Variants in TTC23 observed in about 807,000 individuals in gnomAD.
TTC23 encodes tetratricopeptide repeat protein 23.
A neutral mutation model predicts 55.1 loss-of-function variants in TTC23; 58 were observed. The observed-to-expected ratio is 1.05, with a 90% confidence interval of 0.85 to 1.31. The LOEUF (loss-of-function observed/expected upper bound fraction) is 1.31. Ranked by LOEUF, TTC23 falls within the 50% of genes most tolerant of loss-of-function variation. TTC23 has a pLI of 0.00. For missense variants in TTC23, 516 were observed against 534.4 expected, an observed-to-expected ratio of 0.97 and a Z score of 0.34; for synonymous variants, 203 against 199.9, an observed-to-expected ratio of 1.02 and a Z score of -0.13.
rs373566768 is a variant in TTC23, at chr15:99,201,008, G to A, written c.582-912C>T. 4.5e-4 allele frequency among the ~76,000 whole-genome samples: 68 copies of A among 152,304 alleles called. 1 individual carries two copies. The highest frequency in any genetic ancestry group is 1.3e-3 in the African/African-American group (54 of 41,562). ...ATATCATCTCAGGCATGTGAAAACT[G>A]TATATCTAATTTGCATGTACACATA... On this transcript the variant is annotated intron_variant, in intron 8 of 13. Transcript: ENST00000394132.
chr15:99,145,965 C>T (rs1317411497), intron 12 of TTC23, among the ~76,000 whole-genome samples: 7 of 152,188 alleles, frequency 4.6e-5, no homozygotes, highest in Non-Finnish European at 1.0e-4. Flanking sequence ...CTCCTGGGTG[C>T]CAGCCCTGGG....
rs966275310 is a variant in TTC23 at position 99,221,837 on chromosome 15, G to A, written c.208C>T (p.Arg70Cys). The A allele has an allele frequency of 6.2e-6, 10 of 1,614,004 alleles. No individual in the cohort carries two copies. Among genetic ancestry groups the A allele is most frequent in the African/African-American group, 2.7e-5 (2 of 74,916 alleles). ...EYKQAVHELV[R>C]CVALTRICYG... The stretch of plus-strand genomic sequence containing the variant: ...CAAATTCTTGTCAGTGCTACGCAAC[G>A]CACAAGCTCATGGACGGCCTGTTTG... The change falls in exon 6 of 14, where the codon CGT becomes TGT. Residue 70 changes from arginine to cysteine, a missense_variant. Coordinates refer to ENST00000394132, the MANE Select transcript of TTC23 (RefSeq NM_001288615.3).
At chr15:99,238,978 TA>T (rs1160365077) in intron 3 of TTC23, among the ~76,000 whole-genome samples, 1 of 152,144 alleles carries the variant, frequency 6.6e-6, no homozygotes, top group Non-Finnish European at 1.5e-5. Flanking sequence ...AACCCTGAGC[TA>T]GGGGGAAAGT....
intron 8 of TTC23, among the ~76,000 whole-genome samples, chr15:99,218,197 T>TAAGATC (rs2152043009): frequency 6.6e-6 from 1 of 152,340 alleles, no homozygotes; most frequent in African/African-American, 2.4e-5. Flanking sequence ...CAGATGTGTT[T>TAAGATC]AAGATCTTTC....
chr15:99,245,910 T>G (rs2080203321), intron 1 of TTC23, among the ~76,000 whole-genome samples: 1 of 150,556 alleles, frequency 6.6e-6, no homozygotes, highest in African/African-American at 2.4e-5. Context: ...GTTCAAGACA[T>G]TCTCCTGACT....
chr15:99,177,359 C>T (rs2073681071), intron 9 of TTC23, among the ~76,000 whole-genome samples: 1 of 152,166 alleles, frequency 6.6e-6, no homozygotes, highest in Admixed American at 6.5e-5. Flanking sequence ...CCAAATTAGC[C>T]ACTGTCCTTG....
At chr15:99,187,478 A>AAAAAG (rs55638903) in intron 9 of TTC23, among the ~76,000 whole-genome samples, 32 of 149,516 alleles carry the variant, frequency 2.1e-4, no homozygotes, top group African/African-American at 7.6e-4. Context: ...ACAAAACAAA[A>AAAAAG]GAAACCCAAC....
intron 12 of TTC23, among the ~76,000 whole-genome samples, chr15:99,146,617 TTGA>T (rs1318905546): frequency 6.6e-6 from 1 of 152,224 alleles, no homozygotes; most frequent in Non-Finnish European, 1.5e-5. Context: ...TGTGGGACAA[TTGA>T]TGACCCTCTG....
At chr15:99,161,560 T>C (rs2071381758) in intron 11 of TTC23, among the ~76,000 whole-genome samples, 180 bp downstream of exon 11, 1 of 152,214 alleles carries the variant, frequency 6.6e-6, no homozygotes, top group African/African-American at 2.4e-5. Flanking sequence ...TCCCAGCTTC[T>C]AAGAGCAAGT....
chr15:99,224,949 A>C (rs2078266438), intron 5 of TTC23, among the ~76,000 whole-genome samples: 1 of 152,194 alleles, frequency 6.6e-6, no homozygotes. Context: ...CTCTAGACAC[A>C]GGAAGTTTAG....
At chr15:99,212,015 C>G (rs185557174) in intron 8 of TTC23, among the ~76,000 whole-genome samples, 1 of 152,254 alleles carries the variant, frequency 6.6e-6, no homozygotes, top group East Asian at 1.9e-4. Context: ...GTTAATGACA[C>G]CATGGCACAC....
chr15:99,161,756 A>G lies in TTC23; in HGVS notation c.977T>C (p.Met326Thr). 1 of 1,612,068 alleles carries G rather than the reference A, an allele frequency of 6.2e-7. No homozygotes were observed. The highest frequency in any genetic ancestry group is 8.5e-7 in the Non-Finnish European group (1 of 1,179,504). ...IQDEFCHFLQ[M>T]TGQKERATSI... is the part of the protein sequence containing the mutation. ...CTCACTTACCTCTTTTTGTCCAGTCATTTGTAGAAAATGGCAAAATTCATC... is the reference window on the plus strand; with the variant it reads ...CTCACTTACCTCTTTTTGTCCAGTCGTTTGTAGAAAATGGCAAAATTCATC... The change falls in exon 11 of 14, where the codon ATG becomes ACG. Residue 326 changes from methionine to threonine, a missense_variant. Transcript: ENST00000394132.
intron 9 of TTC23, among the ~76,000 whole-genome samples, chr15:99,189,286 G>A (rs1268394340): frequency 6.6e-6 from 1 of 152,098 alleles, no homozygotes; most frequent in Non-Finnish European, 1.5e-5. Context: ...ACAGCAGAAT[G>A]CCAACTGATA....
rs1179975276 is a variant in TTC23, at chr15:99,137,022, T to C, written c.*988A>G. 1 of 152,254 alleles carries C rather than the reference T, an allele frequency of 6.6e-6. No homozygotes were observed. Among genetic ancestry groups the C allele is most frequent in the African/African-American group, 2.4e-5 (1 of 41,422 alleles). The allele number at this position is 152,254 out of a possible 1,614,324, so 9.4% of individuals were successfully genotyped here. ...GGCCCTGTGCTGCAATCTGCTGTCA[T>C]AGCACCAGCCTGCAGCCTCATGGCC... is the stretch of plus-strand genomic sequence containing the variant. On this transcript the variant is annotated 3_prime_UTR_variant, in exon 14 of 14. Coordinates refer to ENST00000394132, the MANE Select transcript of TTC23 (RefSeq NM_001288615.3).
At chr15:99,187,452 C>CAAAAAGAAAAAAAAAAAAAAAA (rs2074782105) in intron 9 of TTC23, among the ~76,000 whole-genome samples, 1 of 44,506 alleles carries the variant, frequency 2.2e-5, no homozygotes, top group African/African-American at 9.8e-5. Context: ...AAAGCACAAG[C>CAAAAAGAAAAAAAAAAAAAAAA]AAAAAAAAAA....
chr15:99,193,978 C>T (rs2075473955), intron 9 of TTC23, among the ~76,000 whole-genome samples: 1 of 150,882 alleles, frequency 6.6e-6, no homozygotes, highest in Admixed American at 6.6e-5. Flanking sequence ...CACTGCACTC[C>T]AGCCTGGGTG....
chr15:99,224,322 G>A (rs1015316445), intron 5 of TTC23, among the ~76,000 whole-genome samples: 2 of 152,158 alleles, frequency 1.3e-5, no homozygotes, highest in Non-Finnish European at 2.9e-5. Flanking sequence ...AGATATCTAG[G>A]TAGATAAATA....
chr15:99,164,620 T>G (rs959991523), intron 10 of TTC23, among the ~76,000 whole-genome samples: 5 of 152,244 alleles, frequency 3.3e-5, no homozygotes, highest in Non-Finnish European at 7.3e-5. Context: ...TTCCTCAATA[T>G]TTGGTTATTC....
At position 99,187,473 on chromosome 15, in the gene TTC23, AC is replaced by A. The variant is rs1218207455; in HGVS notation, c.760-12319del. 1.6e-4 allele frequency among the ~76,000 whole-genome samples: 23 copies of A among 146,812 alleles called. 1 individual carries two copies. The highest frequency in any genetic ancestry group is 3.3e-3 in the Middle Eastern group (1 of 306). ...CAAGCAAAAAAAAAAAAAAAACAAA[AC>A]AAAAGAAACCCAACATAGACAAGTT... On this transcript the variant is annotated intron_variant, in intron 9 of 13. Transcript: ENST00000394132.
Sources: allele counts gnomAD v4.1 joint callset (sites outside exome capture counted in the v4.1 genomes callset), GRCh38; gene constraint gnomAD v4.1.1; transcripts MANE v1.5; gene names NCBI Gene and HGNC (gene_info 2026-07-23, HGNC 2026-07-21).